Variants in SMURF1 observed in about 807,000 individuals in gnomAD.
The protein encoded by SMURF1 is SMAD specific E3 ubiquitin protein ligase 1.
In SMURF1, 44 loss-of-function variants were observed where a neutral mutation model predicts 98.0. That is an observed-to-expected ratio of 0.45 (90% confidence interval 0.35 to 0.58). The LOEUF is 0.58. Ranked by LOEUF, SMURF1 falls within the 20% of genes least tolerant of loss-of-function variation. The pLI is 0.00. For synonymous variants in SMURF1, 396 were observed against 374.9 expected (o/e 1.06, Z -0.65); for missense variants, 687 against 938.4 (o/e 0.73, Z 3.50).
At chr7:99,114,792 T>C (rs1052139624) in intron 1 of SMURF1, among the ~76,000 whole-genome samples, 1 of 152,096 alleles carries the variant, frequency 6.6e-6, no homozygotes, top group Non-Finnish European at 1.5e-5. Context: ...AATGAAGTAA[T>C]ACACAGTATC....
At chr7:99,090,435 C>T (rs1260109869) in intron 1 of SMURF1, among the ~76,000 whole-genome samples, 1 of 152,160 alleles carries the variant, frequency 6.6e-6, no homozygotes, top group African/African-American at 2.4e-5. Context: ...CCTCTTATCT[C>T]TCCCTCCCAC....
chr7:99,143,765 T>C lies in SMURF1; in HGVS notation c.16A>G (p.Thr6Ala). 1 of 1,542,162 alleles carries C rather than the reference T, an allele frequency of 6.5e-7. No homozygotes were observed. Among genetic ancestry groups the C allele is most frequent in the Non-Finnish European group, 8.7e-7 (1 of 1,144,676 alleles). Residue 6 changes from threonine (T) to alanine (A), a missense_variant, in exon 1 of 18, where the codon ACA (threonine) becomes GCA (alanine). By Grantham distance (58) the Thr-to-Ala change is moderately conservative (BLOSUM62 0). This residue lies in a region of SMURF1 where 415 missense variants were observed against 508.4 expected (regional missense o/e 0.82). Transcript: ENST00000361368. ...TTGATGCTGGAGCCGTTCCTGCGTGTCCCGGGGTTCGACATCTCCCGCCAA... is the reference window on the plus strand; with the variant it reads ...TTGATGCTGGAGCCGTTCCTGCGTGCCCCGGGGTTCGACATCTCCCGCCAA... The part of the protein sequence containing the change: MSNPG[T>A]RRNGSSIKIR...
chr7:99,089,419 G>C (rs551652699), intron 1 of SMURF1, among the ~76,000 whole-genome samples: 49 of 151,862 alleles, frequency 3.2e-4, no homozygotes, highest in African/African-American at 1.2e-3. Context: ...CAGGAGGATC[G>C]CTTGGGCCCA....
chr7:99,046,731 CAAAAA>C (rs56788889), intron 10 of SMURF1, among the ~76,000 whole-genome samples: 6 of 74,706 alleles, frequency 8.0e-5, no homozygotes, highest in Admixed American at 1.6e-4. Context: ...GACTCCGTCT[CAAAAA>C]AAAAAAAAAA....
intron 9 of SMURF1, chr7:99,048,940 A>G (rs1795668594): frequency 6.6e-6 from 1 of 152,212 alleles, no homozygotes; most frequent in African/African-American, 2.4e-5. Context: ...AAAATACAAT[A>G]ATTAGCTGGG....
intron 1 of SMURF1, among the ~76,000 whole-genome samples, chr7:99,063,593 A>T (rs1276995841): frequency 1.3e-5 from 2 of 151,424 alleles, no homozygotes; most frequent in Admixed American, 6.6e-5. Flanking sequence ...CCCAACCAAG[A>T]TACGATTTAT....
chr7:99,033,177 C>G (rs751818797), intron 16 of SMURF1, 56 bp from the exon 17 acceptor site: 1 of 1,519,800 alleles, frequency 6.6e-7, no homozygotes, highest in Non-Finnish European at 8.9e-7. Context: ...TGGCGCTTCC[C>G]GGCCACACAG....
At chr7:99,103,244 T>A (rs374876241) in intron 1 of SMURF1, among the ~76,000 whole-genome samples, 19 of 152,298 alleles carry the variant, frequency 1.2e-4, no homozygotes, top group African/African-American at 4.6e-4. Context: ...CACCTATGTA[T>A]ACACCACTCC....
At chr7:99,033,476 TGTATTTTTA>T (rs1794998720) in intron 16 of SMURF1, among the ~76,000 whole-genome samples, 2 of 152,168 alleles carry the variant, frequency 1.3e-5, no homozygotes, top group African/African-American at 4.8e-5. Flanking sequence ...GGCTAATTGT[TGTATTTTTA>T]GTAGAGACGG....
At chr7:99,038,098 C>A (rs1795221963) in intron 14 of SMURF1, among the ~76,000 whole-genome samples, 1 of 152,102 alleles carries the variant, frequency 6.6e-6, no homozygotes, top group South Asian at 2.1e-4. Context: ...CTGCTGCTCT[C>A]TCCTTTGCCC....
chr7:99,108,362 C>T (rs1179753662), intron 1 of SMURF1, among the ~76,000 whole-genome samples: 1 of 151,774 alleles, frequency 6.6e-6, no homozygotes, highest in Admixed American at 6.6e-5. Flanking sequence ...GTAATCCCAG[C>T]ACTTTGGGAG....
intron 5 of SMURF1, among the ~76,000 whole-genome samples, chr7:99,056,061 A>C (rs559181645): frequency 2.5e-4 from 38 of 152,342 alleles, no homozygotes; most frequent in African/African-American, 8.7e-4. Context: ...TATGAACAAG[A>C]CTTTTATAAA....
intron 1 of SMURF1, among the ~76,000 whole-genome samples, chr7:99,062,402 A>C (rs1185980989): frequency 3.3e-5 from 5 of 152,212 alleles, no homozygotes; most frequent in East Asian, 1.9e-4. Context: ...ATGACAGAAG[A>C]AGCTATGCAA....
chr7:99,035,588 T>C lies in SMURF1; in HGVS notation c.1938A>G (p.Glu646=), dbSNP rs145123702. ...FWQAVETFDE[E]RRARLLQFVT... ...CAAACTGCAGGAGCCTGGCCCTCCTTTCTTCATCGAACGTCTCCACCGCTT... is the reference window on the plus strand; with the variant it reads ...CAAACTGCAGGAGCCTGGCCCTCCTCTCTTCATCGAACGTCTCCACCGCTT... Residue 646 remains glutamate, a synonymous_variant, in exon 16 of 18, where the codon GAA becomes GAG. Coordinates refer to ENST00000361368, the MANE Select transcript of SMURF1 (RefSeq NM_181349.3). The C allele has an allele frequency of 9.3e-6, 15 of 1,614,088 alleles. No individual in the cohort carries two copies. The highest frequency in any genetic ancestry group is 2.5e-6 in the Non-Finnish European group (3 of 1,180,046).
At chr7:99,047,206 C>A (rs1262692102) in intron 10 of SMURF1, among the ~76,000 whole-genome samples, 1 of 152,170 alleles carries the variant, frequency 6.6e-6, no homozygotes, top group Non-Finnish European at 1.5e-5. Context: ...CAGGATGGCC[C>A]CCAGCCCCTG....
In SMURF1 at chr7:99,040,505, A is replaced by G; in HGVS notation, c.1423T>C (p.Phe475Leu). 6.4e-7 allele frequency: 1 copy of G among 1,569,316 alleles called. No homozygotes were observed. The highest frequency in any genetic ancestry group is 8.6e-7 in the Non-Finnish European group (1 of 1,157,672). Residue 475 changes from phenylalanine to leucine, a missense_variant, in exon 13 of 18, where the codon TTC becomes CTC. Around this residue, in one of 2 missense-constraint regions of SMURF1, gnomAD observed 272 missense variants for 430.0 expected, o/e 0.63. Coordinates refer to ENST00000361368, the MANE Select transcript of SMURF1 (RefSeq NM_181349.3). ...FVGRIMGLAV[F>L]HGHYINGGFT... ...CCCCCGTTGATGTAGTGTCCATGGA[A>G]CACAGCCAGCCCCATGATCCGCCCC...
At position 99,049,627 on chromosome 7, in the gene SMURF1, A is replaced by G. The variant is rs1795692273; in HGVS notation, c.889T>C (p.Tyr297His). ...GTTCGGTTATTATGATCTACAAAAT[A>G]TATCCTCCCAGAAACTGTACTTCTG... is the stretch of plus-strand genomic sequence containing the variant. ...EVRSTVSGRI[Y>H]FVDHNNRTTQ... The change falls in exon 9 of 18, where the codon TAT (tyrosine) becomes CAT (histidine). Residue 297 changes from tyrosine to histidine, a missense_variant. Physicochemically the swap from Tyr to His is moderately conservative, Grantham distance 83. This residue lies in a region of SMURF1 where 415 missense variants were observed against 508.4 expected (regional missense o/e 0.82). Transcript: ENST00000361368. The G allele has an allele frequency of 7.4e-6, 12 of 1,614,190 alleles. No individual in the cohort carries two copies. Among genetic ancestry groups the G allele is most frequent in the Non-Finnish European group, 9.3e-6 (11 of 1,180,004 alleles).
At chr7:99,092,208 A>G (rs1286245085) in intron 1 of SMURF1, among the ~76,000 whole-genome samples, 1 of 152,222 alleles carries the variant, frequency 6.6e-6, no homozygotes, top group African/African-American at 2.4e-5. Context: ...AGGTCTGGCA[A>G]TACAATGAAA....
At position 99,047,791 on chromosome 7, in the gene SMURF1, C is replaced by T. The variant is rs775470035; in HGVS notation, c.1045G>A (p.Glu349Lys). ...EDEELPAQRY[E>K]RDLVQKLKVL... is the part of the protein sequence containing the mutation. ...TTCAGCTTCTGGACTAGATCTCTTTCGTATCTCTGGGCAGGAAGCTCCTCG... is the reference window on the plus strand; with the variant it reads ...TTCAGCTTCTGGACTAGATCTCTTTTGTATCTCTGGGCAGGAAGCTCCTCG... The change falls in exon 10 of 18, where the codon GAA becomes AAA. Residue 349 changes from glutamate to lysine, a missense_variant. This residue lies in a region of SMURF1 where 415 missense variants were observed against 508.4 expected (regional missense o/e 0.82). Coordinates refer to ENST00000361368, the MANE Select transcript of SMURF1 (RefSeq NM_181349.3). 2 of 1,614,200 alleles carry T rather than the reference C, an allele frequency of 1.2e-6. No homozygotes were observed. The highest frequency in any genetic ancestry group is 1.7e-5 in the Admixed American group (1 of 60,022).
Sources: allele counts gnomAD v4.1 joint callset (sites outside exome capture counted in the v4.1 genomes callset), GRCh38; gene constraint gnomAD v4.1.1; regional missense constraint gnomAD v4.1.1; transcripts MANE v1.5; gene names NCBI Gene and HGNC (gene_info 2026-07-23, HGNC 2026-07-21).